The following PRELID2 variants were observed in gnomAD, a reference collection of about 807,000 sequenced individuals.
PRELID2 encodes PRELI domain-containing protein 2.
Under a neutral mutation model 28.4 loss-of-function variants are expected in PRELID2, and 25 were observed. The observed-to-expected ratio is 0.88, with a 90% CI of 0.64 to 1.23. PRELID2 has a LOEUF of 1.23. Ranked by LOEUF, PRELID2 falls within the 50% of genes most tolerant of loss-of-function variation. The pLI, the probability that PRELID2 is intolerant of heterozygous loss-of-function variation, is 0.00. For synonymous variants in PRELID2, 76 were observed against 71.6 expected, an observed-to-expected ratio of 1.06 and a Z score of -0.31; for missense variants, 201 against 214.4, an observed-to-expected ratio of 0.94 and a Z score of 0.39.
chr5:145,412,165 T>G, the PRELID2 span, among the ~76,000 whole-genome samples: 3 of 152,208 alleles, frequency 2.0e-5, no homozygotes, highest in Non-Finnish European at 4.4e-5. Context: ...GGTTCCTCAT[T>G]ACGTCCGCAA....
At chr5:145,302,491 T>C in the PRELID2 span, among the ~76,000 whole-genome samples, 5 of 152,060 alleles carry the variant, frequency 3.3e-5, no homozygotes, top group Admixed American at 3.3e-4. Flanking sequence ...CTTGCATTTG[T>C]ATTTGTCTGG....
rs144221124 is a variant in PRELID2 at position 145,585,916 on chromosome 5, G to A, written n.71-112601C>T. Among the ~76,000 whole-genome samples, 196 of 152,174 alleles carry A rather than the reference G, an allele frequency of 1.3e-3. 2 individuals are homozygous for A. The highest frequency in any genetic ancestry group is 4.6e-3 in the African/African-American group (192 of 41,546). ...CCTCCTCTTTGGTATCATCACAGAT[G>A]AAAGACTGTGAGTCCATGAATCACT... On this transcript the variant is annotated intron_variant and non_coding_transcript_variant, in intron 1 of 2. Coordinates refer to the PRELID2 transcript ENST00000510259.
the PRELID2 span, among the ~76,000 whole-genome samples, chr5:145,386,756 C>A: frequency 2.6e-5 from 4 of 152,188 alleles, no homozygotes. Flanking sequence ...ACACAAATAT[C>A]TCATAGAATA....
the PRELID2 span, among the ~76,000 whole-genome samples, chr5:145,283,231 A>G: frequency 6.6e-6 from 1 of 152,206 alleles, no homozygotes; most frequent in Non-Finnish European, 1.5e-5. Context: ...CCATATTAAC[A>G]GTCTCATTCC....
intron 1 of PRELID2, among the ~76,000 whole-genome samples, chr5:145,485,125 A>G (rs1752204442): frequency 1.3e-5 from 2 of 152,250 alleles, no homozygotes; most frequent in South Asian, 2.1e-4. Flanking sequence ...CATACATGCT[A>G]CAAGATAATA....
the PRELID2 span, among the ~76,000 whole-genome samples, chr5:145,450,146 C>T: frequency 2.0e-5 from 3 of 152,080 alleles, no homozygotes; most frequent in African/African-American, 4.8e-5. Context: ...TAAATACAGT[C>T]GTCAATCAAA....
intron 1 of PRELID2, among the ~76,000 whole-genome samples, chr5:145,823,818 T>A (rs1754991856): frequency 6.6e-6 from 1 of 152,218 alleles, no homozygotes; most frequent in African/African-American, 2.4e-5. Flanking sequence ...AGGTTGATAA[T>A]AGCCACTGCT....
rs962929250 is a variant in PRELID2, at chr5:145,617,140, C to T, written n.71-143825G>A. 1.6e-4 allele frequency among the ~76,000 whole-genome samples: 25 copies of T among 152,170 alleles called. 1 individual carries two copies. The highest frequency in any genetic ancestry group is 1.5e-3 in the Admixed American group (23 of 15,296). ...CATTGCTGTTATCCTGTTCTTTTTT[C>T]AAAGTGCCCAGATTTCATATTGTTC... is the stretch of plus-strand genomic sequence containing the variant. On this transcript the variant is annotated intron_variant and non_coding_transcript_variant, in intron 1 of 2. Transcript: ENST00000510259.
the PRELID2 span, among the ~76,000 whole-genome samples, chr5:145,270,974 G>A: frequency 5.3e-5 from 8 of 152,212 alleles, no homozygotes; most frequent in South Asian, 1.7e-3. Flanking sequence ...ATGGAGGAAG[G>A]CAAAGGGGAA....
chr5:145,233,947 T>A, the PRELID2 span, among the ~76,000 whole-genome samples: 1 of 152,204 alleles, frequency 6.6e-6, no homozygotes, highest in Non-Finnish European at 1.5e-5. Flanking sequence ...GTGTAATGTT[T>A]ACCAACCACA....
chr5:145,729,060 A>G (rs1317077743), intron 1 of PRELID2: 1 of 614,210 alleles, frequency 1.6e-6, no homozygotes, highest in Non-Finnish European at 2.9e-6. Flanking sequence ...AAATGCCTTA[A>G]GAAATTCAAG....
chr5:145,761,116 C>CA (rs1182573285), intron 6 of PRELID2, among the ~76,000 whole-genome samples: 1 of 152,126 alleles, frequency 6.6e-6, no homozygotes, highest in Non-Finnish European at 1.5e-5. Flanking sequence ...TTAAATTATG[C>CA]AAATTTAAAA....
the PRELID2 span, among the ~76,000 whole-genome samples, chr5:145,360,893 G>A: frequency 6.6e-6 from 1 of 151,796 alleles, no homozygotes; most frequent in East Asian, 1.9e-4. Context: ...TATCCTTATT[G>A]CATATATAAT....
chr5:145,294,240 T>C, the PRELID2 span, among the ~76,000 whole-genome samples: 1 of 152,198 alleles, frequency 6.6e-6, no homozygotes, highest in East Asian at 1.9e-4. Context: ...TCATTATTAT[T>C]ATTATTTATT....
chr5:145,471,986 G>C (rs1273859808), exon 3 of PRELID2: 1 of 152,116 alleles, frequency 6.6e-6, no homozygotes, highest in African/African-American at 2.4e-5. Flanking sequence ...TCATTGTTTA[G>C]TCTTTCTTTG....
intron 1 of PRELID2, among the ~76,000 whole-genome samples, chr5:145,556,519 C>T (rs1401539499): frequency 2.0e-5 from 3 of 152,152 alleles, no homozygotes; most frequent in East Asian, 1.9e-4. Context: ...TAAGTCCCTG[C>T]CTCAGGCACA....
chr5:145,790,326 A>C (rs656033), intron 5 of PRELID2, among the ~76,000 whole-genome samples: 1 of 152,176 alleles, frequency 6.6e-6, no homozygotes, highest in Non-Finnish European at 1.5e-5. Flanking sequence ...AAAAAGAAGC[A>C]AGTTCTGTCA....
At position 145,756,842 on chromosome 5, in the gene PRELID2, T is replaced by G. The variant is rs1461167423; in HGVS notation, c.*3694A>C. On this transcript the variant is annotated 3_prime_UTR_variant, in exon 7 of 7. Coordinates refer to ENST00000683046, the MANE Select transcript of PRELID2 (RefSeq NM_205846.3). ...GAAAGCTTCCTAGAGGTAGGCACAG[T>G]AATGGGAGAGATAAATGACAGATAA... Among the ~76,000 whole-genome samples, 1 of 152,054 alleles carries G rather than the reference T, an allele frequency of 6.6e-6. No individual in the cohort carries two copies. Among genetic ancestry groups the G allele is most frequent in the Non-Finnish European group, 1.5e-5 (1 of 68,018 alleles).
In PRELID2 at chr5:145,508,596, T is replaced by C. The variant is rs560731746; in HGVS notation, n.71-35281A>G. 2.6e-5 allele frequency among the ~76,000 whole-genome samples: 4 copies of C among 152,190 alleles called. No individual in the cohort carries two copies. The East Asian group carries it at 7.7e-4, about 29-fold the overall frequency. On this transcript the variant is annotated intron_variant and non_coding_transcript_variant, in intron 1 of 2. Coordinates refer to the PRELID2 transcript ENST00000510259. ...AATAAAATTAAAAAGAAAGAAAACA[T>C]TGTGTCTGTCCCTACAGGATTTTGG... is the stretch of plus-strand genomic sequence containing the variant.
Sources: gnomAD v4.1 joint callset for allele counts (sites outside exome capture counted in the v4.1 genomes callset) on GRCh38, gnomAD v4.1.1 for gene constraint, MANE v1.5 for transcripts, NCBI Gene and HGNC (gene_info 2026-07-23, HGNC 2026-07-21) for gene names.